Variants in PTPRT observed in about 807,000 individuals in gnomAD.
PTPRT encodes the protein receptor-type tyrosine-protein phosphatase T.
PTPRT carries 56 observed loss-of-function variants against 176.8 expected under a neutral mutation model. That is an observed-to-expected ratio of 0.32 (90% CI 0.26 to 0.40). The LOEUF is 0.40. PTPRT is among the 10% of genes least tolerant of loss of function. The pLI is 1.00. For missense variants in PTPRT, 1,540 were observed against 1,908.2 expected (o/e 0.81, Z 3.60); for synonymous variants, 783 against 739.0 (o/e 1.06, Z -0.96).
intron 2 of PTPRT, among the ~76,000 whole-genome samples, chr20:42,872,560 T>G (rs889642386): frequency 8.5e-5 from 13 of 152,180 alleles, no homozygotes; most frequent in Non-Finnish European, 1.9e-4. Context: ...GACAGACGAA[T>G]GGAGGGGTTA....
chr20:42,401,492 T>C (rs1001221497), intron 9 of PTPRT, among the ~76,000 whole-genome samples: 2 of 152,122 alleles, frequency 1.3e-5, no homozygotes. Context: ...AATACAAGCA[T>C]TATTTTTTAA....
intron 1 of PTPRT, among the ~76,000 whole-genome samples, chr20:43,119,224 C>T (rs763953007): frequency 6.6e-6 from 1 of 152,152 alleles, no homozygotes; most frequent in Non-Finnish European, 1.5e-5. Flanking sequence ...GTATAAAAAG[C>T]TCTGGAAGAA....
intron 11 of PTPRT, among the ~76,000 whole-genome samples, chr20:42,334,269 AC>A (rs2058008970): frequency 6.6e-6 from 1 of 152,094 alleles, no homozygotes; most frequent in South Asian, 2.1e-4. Flanking sequence ...CCTGACCCCC[AC>A]TCACTAACTA....
At chr20:42,312,217 C>T (rs768749348) in intron 12 of PTPRT, among the ~76,000 whole-genome samples, 2 of 152,170 alleles carry the variant, frequency 1.3e-5, no homozygotes, top group East Asian at 1.9e-4. Flanking sequence ...CAGTCAATTG[C>T]TCTGTGAATG....
chr20:42,654,343 AC>A (rs898435492), intron 7 of PTPRT, among the ~76,000 whole-genome samples: 3 of 152,138 alleles, frequency 2.0e-5, no homozygotes, highest in Non-Finnish European at 2.9e-5. Flanking sequence ...AAAACAAAAA[AC>A]AAAAAACACT....
rs548202176 is a variant in PTPRT, at chr20:43,034,598, CCCTAAT to C, written c.89-148672_89-148667del. Reference sequence around the variant, plus strand: ...ATTCAGAAACTGAAAGGAGAGAAAGCCCTAATCCTAATATTAGGCTGGTGCAAAAGT... The same window carrying C: ...ATTCAGAAACTGAAAGGAGAGAAAGCCCTAATATTAGGCTGGTGCAAAAGT... On this transcript the variant is annotated intron_variant, in intron 1 of 30. Coordinates refer to ENST00000373187, the MANE Select transcript of PTPRT (RefSeq NM_007050.6). 2.2e-3 allele frequency among the ~76,000 whole-genome samples: 328 copies of C among 151,256 alleles called. 2 individuals are homozygous for C. Among genetic ancestry groups the C allele is most frequent in the African/African-American group, 7.7e-3 (317 of 41,206 alleles).
intron 7 of PTPRT, among the ~76,000 whole-genome samples, chr20:42,592,313 C>T (rs1007575791): frequency 7.2e-5 from 11 of 152,122 alleles, no homozygotes; most frequent in South Asian, 2.1e-4. Flanking sequence ...GTAGGCCAGG[C>T]GCCGACTGGA....
intron 1 of PTPRT, among the ~76,000 whole-genome samples, chr20:42,894,605 G>A (rs1343978737): frequency 6.6e-6 from 1 of 152,154 alleles, no homozygotes; most frequent in Non-Finnish European, 1.5e-5. Flanking sequence ...CTCAGTCTAT[G>A]TACCTACTCA....
At chr20:42,443,993 T>C (rs1417648255) in intron 9 of PTPRT, among the ~76,000 whole-genome samples, 1 of 152,176 alleles carries the variant, frequency 6.6e-6, no homozygotes, top group Non-Finnish European at 1.5e-5. Context: ...CTTTTAAGAA[T>C]ATAAATTGGA....
intron 1 of PTPRT, among the ~76,000 whole-genome samples, chr20:42,958,964 G>C (rs2146035843): frequency 6.6e-6 from 1 of 152,294 alleles, no homozygotes; most frequent in Middle Eastern, 3.4e-3. Context: ...AATTCGCTTA[G>C]TATTCCCACT....
At chr20:42,163,469 G>T (rs1362620426) in intron 16 of PTPRT, among the ~76,000 whole-genome samples, 10 of 152,210 alleles carry the variant, frequency 6.6e-5, no homozygotes, top group Admixed American at 6.5e-4. Context: ...CACTGGCATT[G>T]CTTAAATGTA....
At chr20:42,665,531 GT>G (rs2075299764) in intron 7 of PTPRT, among the ~76,000 whole-genome samples, 1 of 152,166 alleles carries the variant, frequency 6.6e-6, no homozygotes, top group African/African-American at 2.4e-5. Flanking sequence ...GGAAGACAGT[GT>G]GGCGATTCCT....
chr20:42,521,293 A>G (rs1451892178), intron 7 of PTPRT, among the ~76,000 whole-genome samples: 7 of 152,142 alleles, frequency 4.6e-5, no homozygotes, highest in Admixed American at 4.6e-4. Context: ...AAGTTCTCCT[A>G]TCTTACAAAT....
chr20:42,949,020 T>A (rs1479357462), intron 1 of PTPRT, among the ~76,000 whole-genome samples: 4 of 152,224 alleles, frequency 2.6e-5, no homozygotes, highest in Admixed American at 6.5e-5. Flanking sequence ...CTCATCCCAC[T>A]GTTGGATATC....
chr20:42,198,656 C>G lies in PTPRT; in HGVS notation c.2491+584G>C, dbSNP rs573462866. ...CTTGGGATCCTTTATTAACACTGCA[C>G]AAGGACTCAGGTGCCCTTGACCAAT... On this transcript the variant is annotated intron_variant, in intron 16 of 30. Coordinates refer to ENST00000373187, the MANE Select transcript of PTPRT (RefSeq NM_007050.6). Among the ~76,000 whole-genome samples, 5 of 152,332 alleles carry G rather than the reference C, an allele frequency of 3.3e-5. No homozygotes were observed. In the South Asian group the frequency reaches 6.2e-4, roughly 19 times the overall value.
At chr20:43,143,138 A>G (rs755311585) in intron 1 of PTPRT, among the ~76,000 whole-genome samples, 10 of 152,124 alleles carry the variant, frequency 6.6e-5, no homozygotes, top group Non-Finnish European at 5.9e-5. Context: ...GAGCAGGACA[A>G]TGTTCAGGGG....
rs537966523 is a variant in PTPRT, at chr20:42,665,051, T to G, written c.1153+12815A>C. Among the ~76,000 whole-genome samples, 5 of 152,230 alleles carry G rather than the reference T, an allele frequency of 3.3e-5. No individual in the cohort carries two copies. In the South Asian group the frequency reaches 1.0e-3, roughly 32 times the overall value. Reference sequence around the variant, plus strand: ...GACATAGGCATGGGCAAGGACTTCATGTCTAAAACACCAAAAGCAATGGCA... The same window carrying G: ...GACATAGGCATGGGCAAGGACTTCAGGTCTAAAACACCAAAAGCAATGGCA... On this transcript the variant is annotated intron_variant, in intron 7 of 30. Transcript: ENST00000373187.
At chr20:42,759,069 G>A (rs539477082) in intron 5 of PTPRT, among the ~76,000 whole-genome samples, 1 of 152,264 alleles carries the variant, frequency 6.6e-6, no homozygotes, top group South Asian at 2.1e-4. Context: ...ATCCTGATTT[G>A]GAGAAGAGAT....
chr20:42,804,880 C>T (rs1450608512), intron 2 of PTPRT, among the ~76,000 whole-genome samples: 4 of 152,234 alleles, frequency 2.6e-5, no homozygotes, highest in African/African-American at 9.6e-5. Flanking sequence ...GAATTCAGAG[C>T]ACACCCTACT....
Sources: allele counts gnomAD v4.1 joint callset (sites outside exome capture counted in the v4.1 genomes callset), GRCh38; gene constraint gnomAD v4.1.1; transcripts MANE v1.5; gene names NCBI Gene and HGNC (gene_info 2026-07-23, HGNC 2026-07-21).